LIN28B: variants seen among roughly 807,000 people sequenced by gnomAD.
The protein encoded by LIN28B is protein lin-28 homolog B.
Under a neutral mutation model 21.9 loss-of-function variants are expected in LIN28B, and 5 were observed. The observed-to-expected ratio is 0.23, with a 90% CI of 0.12 to 0.48. The LOEUF (loss-of-function observed/expected upper bound fraction) is 0.48, where lower values mean the gene tolerates loss of function less well. Among genes scored for constraint, LIN28B ranks in the 20% least tolerant of loss-of-function variants. The pLI is 0.98. For synonymous variants in LIN28B, 109 were observed against 111.3 expected, an observed-to-expected ratio of 0.98 and a Z score of 0.13; for missense variants, 245 against 310.5, an observed-to-expected ratio of 0.79 and a Z score of 1.58.
chr6:104,994,497 G>T (rs1458706034), intron 2 of LIN28B, among the ~76,000 whole-genome samples: 2 of 152,166 alleles, frequency 1.3e-5, no homozygotes, highest in African/African-American at 4.8e-5. Flanking sequence ...GGACCTTGTG[G>T]TTTGGAATAG....
Position 105,078,450 on chromosome 6 carries a change from G to A in LIN28B, c.420G>A (p.Lys140=). Residue 140 remains lysine, a synonymous_variant, in exon 4 of 4, where the codon AAG becomes AAA. Coordinates refer to ENST00000345080, the MANE Select transcript of LIN28B (RefSeq NM_001004317.4). ...GTGGTGGCCTTGATCATCATGCTAA[G>A]GAATGTAGTCTACCTCCTCAGCCAA... ...YNCGGLDHHA[K]ECSLPPQPKK... is the part of the protein sequence containing the mutation. The A allele has an allele frequency of 6.2e-7, 1 of 1,613,116 alleles. No homozygotes were observed. Among genetic ancestry groups the A allele is most frequent in the Non-Finnish European group, 8.5e-7 (1 of 1,179,190 alleles).
chr6:104,987,978 A>G (rs960945223), intron 2 of LIN28B, among the ~76,000 whole-genome samples: 1 of 152,108 alleles, frequency 6.6e-6, no homozygotes, highest in Non-Finnish European at 1.5e-5. Flanking sequence ...TCCTGACCTC[A>G]AGTGATCTGC....
Position 104,957,242 on chromosome 6 carries a change from TG to T in LIN28B, c.-5del. The T allele has an allele frequency of 6.2e-7, 1 of 1,612,356 alleles. No individual in the cohort carries two copies. On this transcript the variant is annotated 5_prime_UTR_variant, in exon 1 of 4. Transcript: ENST00000345080. ...TCACGAGTTTGGAGCTGAGGGCCCGTGGGGCAACATGGCCGAAGGTTAATTT... is the reference window on the plus strand; with the variant it reads ...TCACGAGTTTGGAGCTGAGGGCCCGTGGGCAACATGGCCGAAGGTTAATTT...
At chr6:104,972,115 T>C (rs314267) in intron 2 of LIN28B, among the ~76,000 whole-genome samples, 101,101 of 151,852 alleles carry the variant, frequency 0.67, 33,722 homozygotes, top group South Asian at 0.72. Context: ...GGACTACAGG[T>C]GCACGCCACC....
intron 2 of LIN28B, among the ~76,000 whole-genome samples, chr6:105,002,539 C>T (rs935427254): frequency 1.3e-5 from 2 of 152,084 alleles, no homozygotes; most frequent in Admixed American, 6.6e-5. Context: ...TATTTGACTC[C>T]ACAGTTGCAA....
chr6:105,005,134 A>G (rs1562089561), intron 2 of LIN28B, among the ~76,000 whole-genome samples: 1 of 152,116 alleles, frequency 6.6e-6, no homozygotes, highest in Non-Finnish European at 1.5e-5. Context: ...CACATTTTCA[A>G]AGTATCGTTT....
At chr6:105,051,762 T>A (rs1004988531) in intron 3 of LIN28B, among the ~76,000 whole-genome samples, 6 of 152,166 alleles carry the variant, frequency 3.9e-5, no homozygotes, top group African/African-American at 1.4e-4. Flanking sequence ...TTTACCAATT[T>A]TTGTTGAGTA....
chr6:104,998,000 G>A (rs1307460589), intron 2 of LIN28B, among the ~76,000 whole-genome samples: 2 of 152,092 alleles, frequency 1.3e-5, no homozygotes, highest in African/African-American at 4.8e-5. Context: ...CCTTATTGTT[G>A]AAAGATTGTT....
At chr6:104,955,849 G>T (rs186656200), upstream of LIN28B, among the ~76,000 whole-genome samples, 1 of 152,224 alleles carries the variant, frequency 6.6e-6, no homozygotes, top group African/African-American at 2.4e-5. Flanking sequence ...AGGAAATAAA[G>T]TCTTTTTAGT....
At position 104,995,694 on chromosome 6, in the gene LIN28B, T is replaced by A. The variant is rs551273610; in HGVS notation, c.199-30604T>A. Among the ~76,000 whole-genome samples, 6 of 152,206 alleles carry A rather than the reference T, an allele frequency of 3.9e-5. No homozygotes were observed. The South Asian group carries it at 1.2e-3, about 32-fold the overall frequency. On this transcript the variant is annotated intron_variant, in intron 2 of 3. Transcript: ENST00000345080. ...TGATAGAAAGATATAAATGTTTAGA[T>A]CCACAAGAAGCATATCTTCTGTTTC...
chr6:105,072,088 C>CTGTGTG (rs3035164), intron 3 of LIN28B, among the ~76,000 whole-genome samples: 2,221 of 148,956 alleles, frequency 0.015, 63 homozygotes, highest in African/African-American at 0.052. Flanking sequence ...TCTTTTGTGT[C>CTGTGTG]TGTGTGTGTG....
chr6:105,029,151 A>G (rs760660589), intron 3 of LIN28B, among the ~76,000 whole-genome samples: 2 of 152,222 alleles, frequency 1.3e-5, no homozygotes, highest in Non-Finnish European at 2.9e-5. Flanking sequence ...GTTGTGTTCA[A>G]TACAGAGAAT....
chr6:105,000,545 C>T (rs1770700453), intron 2 of LIN28B, among the ~76,000 whole-genome samples: 1 of 152,008 alleles, frequency 6.6e-6, no homozygotes, highest in African/African-American at 2.4e-5. Context: ...CTAGTTTTGC[C>T]TGTCAAGACT....
intron 2 of LIN28B, chr6:104,939,353 G>A (rs1248343424): frequency 6.6e-6 from 1 of 152,234 alleles, no homozygotes; most frequent in African/African-American, 2.4e-5. Context: ...CATCTTTAAA[G>A]TAAGTGGTAT....
At chr6:105,007,232 G>C (rs534019478) in intron 2 of LIN28B, among the ~76,000 whole-genome samples, 32 of 152,226 alleles carry the variant, frequency 2.1e-4, no homozygotes, top group African/African-American at 7.5e-4. Context: ...AAATAATTTA[G>C]AGTCAAAATA....
intron 2 of LIN28B, among the ~76,000 whole-genome samples, chr6:104,975,224 GAT>G: frequency 6.6e-6 from 1 of 152,084 alleles, no homozygotes; most frequent in East Asian, 1.9e-4. Context: ...TCTGTCGAAA[GAT>G]AGAGTAATAT....
intron 3 of LIN28B, among the ~76,000 whole-genome samples, chr6:105,035,929 G>T (rs1416725409): frequency 6.6e-6 from 1 of 152,080 alleles, no homozygotes; most frequent in Non-Finnish European, 1.5e-5. Context: ...TGAGGATTTA[G>T]TTGTAATTAT....
intron 3 of LIN28B, among the ~76,000 whole-genome samples, chr6:105,072,164 T>C (rs1400893902): frequency 6.6e-6 from 1 of 152,128 alleles, no homozygotes; most frequent in Non-Finnish European, 1.5e-5. Flanking sequence ...ATAATAAAAT[T>C]ACATCAATAT....
intron 2 of LIN28B, among the ~76,000 whole-genome samples, chr6:104,998,116 A>G (rs2114284587): frequency 6.6e-6 from 1 of 152,358 alleles, no homozygotes; most frequent in African/African-American, 2.4e-5. Flanking sequence ...TGATCAAACC[A>G]TACAATAACA....
Sources: allele counts gnomAD v4.1 joint callset (sites outside exome capture counted in the v4.1 genomes callset), GRCh38; gene constraint gnomAD v4.1.1; transcripts MANE v1.5; gene names NCBI Gene and HGNC (gene_info 2026-07-23, HGNC 2026-07-21).